TBC1D30: variants seen among roughly 807,000 people sequenced by gnomAD.
TBC1D30 encodes TBC1 domain family, member 30.
Under a neutral mutation model 63.2 loss-of-function variants are expected in TBC1D30, and 31 were observed. The observed-to-expected ratio is 0.49, with a 90% CI of 0.37 to 0.66. The LOEUF is 0.66. Ranked by LOEUF, TBC1D30 falls within the 30% of genes least tolerant of loss-of-function variation. TBC1D30 has a pLI of 0.00. For synonymous variants in TBC1D30, 307 were observed against 361.5 expected, an observed-to-expected ratio of 0.85 and a Z score of 1.71; for missense variants, 810 against 953.6, an observed-to-expected ratio of 0.85 and a Z score of 1.98.
exon 1 of TBC1D30, chr12:64,781,010 G>A: frequency 9.6e-7 from 1 of 1,037,616 alleles, no homozygotes; most frequent in Non-Finnish European, 1.2e-6. Context: ...CACGGAGCCC[G>A]GCGAGGCGTG....
chr12:64,805,594 A>G (rs1872812636), intron 2 of TBC1D30, among the ~76,000 whole-genome samples: 2 of 152,210 alleles, frequency 1.3e-5, no homozygotes, highest in East Asian at 3.9e-4. Context: ...GCACTTTGGG[A>G]GGCCAAGGCA....
intron 2 of TBC1D30, among the ~76,000 whole-genome samples, chr12:64,788,167 TA>T (rs776564859): frequency 7.3e-5 from 11 of 150,708 alleles, no homozygotes; most frequent in Admixed American, 1.3e-4. Context: ...CTGACATAGC[TA>T]GAGAAGGAAG....
rs74447302 is a variant in TBC1D30, at chr12:64,865,553, C to T, written c.1151+773C>T. Among the ~76,000 whole-genome samples, 68 of 151,954 alleles carry T rather than the reference C, an allele frequency of 4.5e-4. No individual in the cohort carries two copies. The East Asian group carries it at 7.6e-3, about 17-fold the overall frequency. On this transcript the variant is annotated intron_variant, in intron 9 of 11. Transcript: ENST00000539867. ...GCTAATATGTAAAATTCCTAGAAAT[C>T]GATAAGAAAATGGCCACCCAAGCTG...
intron 1 of TBC1D30, among the ~76,000 whole-genome samples, chr12:64,766,894 A>C (rs1870734898): frequency 6.6e-6 from 1 of 152,192 alleles, no homozygotes; most frequent in Non-Finnish European, 1.5e-5. Context: ...TCCCAGAGAA[A>C]TTTGGGTAGC....
At chr12:64,849,438 G>C (rs1173151615) in intron 8 of TBC1D30, among the ~76,000 whole-genome samples, 1 of 152,154 alleles carries the variant, frequency 6.6e-6, no homozygotes, top group East Asian at 1.9e-4. Context: ...AATCCATCTT[G>C]AGTTAATTTT....
intron 8 of TBC1D30, among the ~76,000 whole-genome samples, chr12:64,849,400 T>A (rs1439690049): frequency 6.6e-6 from 1 of 152,268 alleles, no homozygotes; most frequent in Non-Finnish European, 1.5e-5. Flanking sequence ...AGGGTTTTTA[T>A]GGTTTTAGGT....
intron 5 of TBC1D30, among the ~76,000 whole-genome samples, chr12:64,835,949 A>G (rs1322455711): frequency 6.6e-6 from 1 of 152,226 alleles, no homozygotes; most frequent in Admixed American, 6.5e-5. Context: ...GAAAAGTACT[A>G]TTTGTTCAAG....
chr12:64,764,979 T>A (rs1430985772), intron 1 of TBC1D30, among the ~76,000 whole-genome samples: 1 of 152,156 alleles, frequency 6.6e-6, no homozygotes, highest in Non-Finnish European at 1.5e-5. Context: ...CTTAGGAACC[T>A]GGAAAGGTCG....
chr12:64,875,286 A>T lies in TBC1D30; in HGVS notation c.1784A>T (p.Gln595Leu), dbSNP rs767175581. Residue 595 changes from glutamine to leucine, a missense_variant, in exon 12 of 12, where the codon CAG (glutamine) becomes CTG (leucine). Gln to Leu is a moderately radical substitution (Grantham distance 113, BLOSUM62 -2). Around this residue, in one of 4 missense-constraint regions of TBC1D30, gnomAD observed 450 missense variants for 473.0 expected, o/e 0.95. Coordinates refer to ENST00000539867, the MANE Select transcript of TBC1D30 (RefSeq NM_015279.2). ...CGDTVGLIDE[Q>L]NEASKTNGLG... ...GACACCGTAGGGCTGATAGATGAGC[A>T]GAACGAGGCCAGCAAGACCAATGGG... 59 of 1,536,214 alleles carry T rather than the reference A, an allele frequency of 3.8e-5. No homozygotes were observed. In the African/African-American group the frequency reaches 6.7e-4, roughly 17 times the overall value.
rs967664489 is a variant in TBC1D30 at position 64,866,661 on chromosome 12, A to G, written c.1152-103A>G. The G allele has an allele frequency of 2.2e-5, 24 of 1,082,696 alleles. No homozygotes were observed. In the African/African-American group the frequency reaches 2.5e-4, roughly 11 times the overall value. 67.1% of individuals were successfully genotyped at this position (1,082,696 alleles called of 1,614,324 possible). A position where few individuals can be genotyped will look rare whatever the true frequency, so the allele number is the denominator to read the frequency against. ...CACAATGTTAATTATATGTAATTCT[A>G]TGTTAATTATATATATGGCATTTAA... On this transcript the variant is annotated intron_variant, in intron 9 of 11. Transcript: ENST00000539867.
At chr12:64,773,823 C>T (rs1870987929) in intron 1 of TBC1D30, among the ~76,000 whole-genome samples, 1 of 152,132 alleles carries the variant, frequency 6.6e-6, no homozygotes, top group African/African-American at 2.4e-5. Context: ...TAGATAATCC[C>T]ATAAAGATGA....
chr12:64,798,034 G>T (rs1872381706), intron 2 of TBC1D30, among the ~76,000 whole-genome samples: 1 of 152,134 alleles, frequency 6.6e-6, no homozygotes, highest in Non-Finnish European at 1.5e-5. Flanking sequence ...CTGTAAAATG[G>T]ACAATAGTAT....
Position 64,802,482 on chromosome 12 carries a change from GTTTC to G in TBC1D30, c.643+16457_643+16460del, listed in dbSNP as rs563607475. On this transcript the variant is annotated intron_variant, in intron 2 of 12. Coordinates refer to the TBC1D30 transcript ENST00000542120. ...TTTGTCTCTGATCCCCACCAATTTTGTTTCTTTCTTTCTTTCTTTCTTTTTATTA... is the reference window on the plus strand; with the variant it reads ...TTTGTCTCTGATCCCCACCAATTTTGTTTCTTTCTTTCTTTCTTTTTATTA... Among the ~76,000 whole-genome samples, 578 of 151,900 alleles carry G rather than the reference GTTTC, an allele frequency of 3.8e-3. 2 individuals carry two copies. Among genetic ancestry groups the G allele is most frequent in the Middle Eastern group, 6.8e-3 (2 of 292 alleles).
intron 3 of TBC1D30, among the ~76,000 whole-genome samples, chr12:64,830,097 G>A (rs775387390): frequency 7.2e-5 from 11 of 152,158 alleles, no homozygotes; most frequent in Non-Finnish European, 1.5e-4. Context: ...AATCTTCTTG[G>A]TTTGTCTTTC....
intron 8 of TBC1D30, among the ~76,000 whole-genome samples, chr12:64,857,582 A>G (rs943480392): frequency 6.6e-6 from 1 of 152,214 alleles, no homozygotes; most frequent in Admixed American, 6.5e-5. Context: ...AAGCCCTCCC[A>G]TAGCCAAACC....
exon 1 of TBC1D30, chr12:64,759,635 A>G: frequency 3.2e-6 from 1 of 309,946 alleles, no homozygotes; most frequent in South Asian, 4.5e-5. Flanking sequence ...GAGAACCGGG[A>G]AAAGGTCAAG....
At chr12:64,826,537 T>C (rs1236201722) in intron 1 of TBC1D30, among the ~76,000 whole-genome samples, 1 of 152,140 alleles carries the variant, frequency 6.6e-6, no homozygotes, top group Non-Finnish European at 1.5e-5. Context: ...ACCTCACTTG[T>C]TTTCAGCGTG....
intron 6 of TBC1D30, among the ~76,000 whole-genome samples, chr12:64,837,072 C>T (rs536942190): frequency 6.0e-4 from 92 of 152,234 alleles, no homozygotes; most frequent in South Asian, 5.2e-3. Context: ...AGCTAAGAGC[C>T]GCTGCTATCT....
Position 64,880,524 on chromosome 12 carries a change from G to A in TBC1D30, c.*4736G>A, listed in dbSNP as rs932596563. ...CTCACACAATGGAGAAAGGGAGTAT[G>A]TTTTGGTCTCTTCCTCTTCTGATAA... On this transcript the variant is annotated 3_prime_UTR_variant, in exon 12 of 12. Coordinates refer to ENST00000539867, the MANE Select transcript of TBC1D30 (RefSeq NM_015279.2). The A allele has an allele frequency of 6.6e-6, 1 of 152,222 alleles. No homozygotes were observed. The highest frequency in any genetic ancestry group is 1.5e-5 in the Non-Finnish European group (1 of 68,052). 9.4% of individuals were successfully genotyped at this position (152,222 alleles called of 1,614,324 possible).
Sources: gnomAD v4.1 joint callset for allele counts (sites outside exome capture counted in the v4.1 genomes callset) on GRCh38, gnomAD v4.1.1 for gene constraint, gnomAD v4.1.1 regional missense constraint, MANE v1.5 for transcripts, NCBI Gene and HGNC (gene_info 2026-07-23, HGNC 2026-07-21) for gene names.